Variants in SDC2 observed in about 807,000 individuals in gnomAD.
SDC2 encodes syndecan-2.
SDC2 carries 13 observed loss-of-function variants against 22.2 expected under a neutral mutation model. The ratio of observed to expected loss-of-function variants is 0.59; its 90% CI spans 0.38 to 0.93. The LOEUF (loss-of-function observed/expected upper bound fraction) is 0.93. Ranked by LOEUF, SDC2 falls within the 40% of genes least tolerant of loss-of-function variation. SDC2 has a pLI of 0.00. For synonymous variants in SDC2, 94 were observed against 92.8 expected (o/e 1.01, Z -0.07); for missense variants, 235 against 246.8 (o/e 0.95, Z 0.32).
rs1245337955 is a variant in SDC2, at chr8:96,494,282, C to A, written c.11C>A (p.Ala4Glu). Residue 4 changes from alanine to glutamate, a missense_variant, in exon 1 of 5, where the codon GCG becomes GAG. By Grantham distance (107) the Ala-to-Glu change is moderately radical. Coordinates refer to ENST00000302190, the MANE Select transcript of SDC2 (RefSeq NM_002998.4). ...CGGTCCCTGGGGAATATGCGGCGCGCGTGGATCCTGCTCACCTTGGGCTTG... is the reference window on the plus strand; with the variant it reads ...CGGTCCCTGGGGAATATGCGGCGCGAGTGGATCCTGCTCACCTTGGGCTTG... MRRAWILLTLGLVA... is the reference protein window; with the variant it reads MRREWILLTLGLVA... The A allele has an allele frequency of 6.5e-7, 1 of 1,546,548 alleles. No individual in the cohort carries two copies. The highest frequency in any genetic ancestry group is 1.2e-5 in the South Asian group (1 of 84,184).
intron 1 of SDC2, among the ~76,000 whole-genome samples, chr8:96,568,682 G>C (rs967502825): frequency 2.0e-5 from 3 of 152,212 alleles, no homozygotes. Flanking sequence ...TGGGTGTGCT[G>C]AACCCAGAGC....
chr8:96,605,527 C>G (rs939388644), intron 3 of SDC2, among the ~76,000 whole-genome samples: 3 of 152,154 alleles, frequency 2.0e-5, no homozygotes, highest in Admixed American at 1.3e-4. Flanking sequence ...TACTTTGGTA[C>G]CTGAAGGCCT....
In SDC2 at chr8:96,558,786, T is replaced by G. The variant is rs111609040; in HGVS notation, c.61-34694T>G. Among the ~76,000 whole-genome samples the G allele has an allele frequency of 6.5e-3, 987 of 152,144 alleles. 6 individuals carry two copies. The highest frequency in any genetic ancestry group is 0.021 in the African/African-American group (883 of 41,512). On this transcript the variant is annotated intron_variant, in intron 1 of 4. Transcript: ENST00000302190. ...AAACTTTCTAGTCAACTGACTTATCTACTGACTTTCCAGTAGATAATCACA... is the reference window on the plus strand; with the variant it reads ...AAACTTTCTAGTCAACTGACTTATCGACTGACTTTCCAGTAGATAATCACA...
At chr8:96,560,369 C>T (rs1057309976) in intron 1 of SDC2, among the ~76,000 whole-genome samples, 4 of 152,284 alleles carry the variant, frequency 2.6e-5, no homozygotes, top group Middle Eastern at 3.4e-3. Flanking sequence ...CATATCTTCA[C>T]AGATTATTTT....
At chr8:96,605,061 G>T (rs547305501) in intron 3 of SDC2, among the ~76,000 whole-genome samples, 1 of 152,156 alleles carries the variant, frequency 6.6e-6, no homozygotes, top group Non-Finnish European at 1.5e-5. Flanking sequence ...TGGATTGCAC[G>T]CTTTGTTCAG....
chr8:96,516,780 ATATT>A (rs1236076377), intron 1 of SDC2, among the ~76,000 whole-genome samples: 1 of 152,222 alleles, frequency 6.6e-6, no homozygotes, highest in Non-Finnish European at 1.5e-5. Context: ...TGCCAAATAA[ATATT>A]TATTGTGCAT....
chr8:96,576,436 T>C (rs1814503596), intron 1 of SDC2, among the ~76,000 whole-genome samples: 1 of 66,682 alleles, frequency 1.5e-5, no homozygotes, highest in Non-Finnish European at 3.5e-5. Context: ...TTTTTTTTTT[T>C]TGAGACGGAG....
At chr8:96,554,239 T>G (rs1382745845) in intron 1 of SDC2, among the ~76,000 whole-genome samples, 1 of 152,204 alleles carries the variant, frequency 6.6e-6, no homozygotes, top group African/African-American at 2.4e-5. Context: ...ACTTAAAATA[T>G]AAGATTCTGG....
intron 3 of SDC2, 72 bp from the exon 4 acceptor site, chr8:96,608,263 A>C: frequency 6.8e-7 from 1 of 1,476,794 alleles, no homozygotes; most frequent in Non-Finnish European, 9.2e-7. Context: ...TTTGGAATAT[A>C]CTCATCTATT....
chr8:96,507,511 A>T (rs762884700), intron 1 of SDC2, among the ~76,000 whole-genome samples: 32 of 152,188 alleles, frequency 2.1e-4, no homozygotes, highest in Non-Finnish European at 4.3e-4. Flanking sequence ...CAGGCTAATT[A>T]TGGGAAGACA....
At chr8:96,574,299 G>A (rs1814451131) in intron 1 of SDC2, among the ~76,000 whole-genome samples, 1 of 152,132 alleles carries the variant, frequency 6.6e-6, no homozygotes, top group Non-Finnish European at 1.5e-5. Flanking sequence ...GACCTGGAGT[G>A]TGCACCTGGG....
In SDC2 at chr8:96,593,572, C is replaced by T. The variant is rs1126681; in HGVS notation, c.153C>T (p.Tyr51=). The T allele has an allele frequency of 0.23, 365,543 of 1,610,094 alleles. 44,406 individuals carry two copies. The highest frequency in any genetic ancestry group is 0.35 in the South Asian group (32,140 of 90,940). ...SGVYPIDDDD[Y]ASASGSGADE... ...TGTATCCTATTGATGACGATGACTA[C>T]GCTTCTGCGTCTGGCTCGGGTAAGG... Residue 51 remains tyrosine (Y), a synonymous_variant, in exon 2 of 5, where the codon TAC becomes TAT. Coordinates refer to ENST00000302190, the MANE Select transcript of SDC2 (RefSeq NM_002998.4).
At position 96,591,573 on chromosome 8, in the gene SDC2, G is replaced by A. The variant is rs1212476266; in HGVS notation, c.61-1907G>A. Among the ~76,000 whole-genome samples the A allele has an allele frequency of 2.6e-5, 4 of 152,242 alleles. No homozygotes were observed. The East Asian group carries it at 7.7e-4, about 29-fold the overall frequency. On this transcript the variant is annotated intron_variant, in intron 1 of 4. Coordinates refer to ENST00000302190, the MANE Select transcript of SDC2 (RefSeq NM_002998.4). ...GCTGAGGGGCAAGAAAAATGCACAT[G>A]AAACAATGAAAAGTAACAGTGAGGG...
intron 1 of SDC2, among the ~76,000 whole-genome samples, chr8:96,527,258 A>G (rs1047499457): frequency 3.9e-5 from 6 of 151,968 alleles, no homozygotes; most frequent in African/African-American, 1.5e-4. Context: ...AATGCACCCT[A>G]TTTTGCTATA....
chr8:96,604,690 G>C (rs979355230), intron 3 of SDC2, among the ~76,000 whole-genome samples: 8 of 151,964 alleles, frequency 5.3e-5, no homozygotes, highest in African/African-American at 1.9e-4. Flanking sequence ...TGCACAAAAG[G>C]GAATCTCGTT....
chr8:96,495,783 C>T (rs1813065336), intron 1 of SDC2, among the ~76,000 whole-genome samples: 1 of 152,082 alleles, frequency 6.6e-6, no homozygotes, highest in South Asian at 2.1e-4. Flanking sequence ...GCTAGCAGAT[C>T]CCCATACGTT....
At chr8:96,526,640 A>G (rs1425653062) in intron 1 of SDC2, among the ~76,000 whole-genome samples, 2 of 151,856 alleles carry the variant, frequency 1.3e-5, no homozygotes, top group Non-Finnish European at 2.9e-5. Context: ...TCAAGCTAGT[A>G]AAAGTGAAAA....
At chr8:96,554,168 T>TTA (rs1814071807) in intron 1 of SDC2, among the ~76,000 whole-genome samples, 1 of 152,186 alleles carries the variant, frequency 6.6e-6, no homozygotes, top group Non-Finnish European at 1.5e-5. Flanking sequence ...ATTGATAAGA[T>TTA]GATATGCAGT....
At position 96,506,048 on chromosome 8, in the gene SDC2, C is replaced by T. The variant is rs180912752; in HGVS notation, c.60+11717C>T. ...AAACCACAATGGAGAATAAGAAGAA[C>T]CCCTTGTAGAAGAGAAGTCACTGGT... On this transcript the variant is annotated intron_variant, in intron 1 of 4. Transcript: ENST00000302190. 4.9e-3 allele frequency among the ~76,000 whole-genome samples: 753 copies of T among 152,274 alleles called. 4 individuals carry two copies. The highest frequency in any genetic ancestry group is 8.6e-3 in the Non-Finnish European group (587 of 68,020).
Sources: gnomAD v4.1 joint callset for allele counts (sites outside exome capture counted in the v4.1 genomes callset) on GRCh38, gnomAD v4.1.1 for gene constraint, MANE v1.5 for transcripts, NCBI Gene and HGNC (gene_info 2026-07-23, HGNC 2026-07-21) for gene names.